GNB4: variants seen among roughly 807,000 people sequenced by gnomAD.
GNB4 encodes the protein G protein subunit beta 4, also known as guanine nucleotide-binding protein subunit beta-4.
Under a neutral mutation model 45.2 loss-of-function variants are expected in GNB4, and 28 were observed. The observed-to-expected ratio is 0.62, with a 90% CI of 0.46 to 0.85. The LOEUF (loss-of-function observed/expected upper bound fraction) is 0.85, where lower values mean the gene tolerates loss of function less well. Among genes scored for constraint, GNB4 ranks in the 40% least tolerant of loss-of-function variants. The pLI, the probability that GNB4 is intolerant of heterozygous loss-of-function variation, is 0.00. For synonymous variants in GNB4, 132 were observed against 143.7 expected (o/e 0.92, Z 0.58); for missense variants, 321 against 425.4 (o/e 0.75, Z 2.16).
chr3:179,451,870 C>T (rs1715891722), upstream of GNB4, among the ~76,000 whole-genome samples: 1 of 152,124 alleles, frequency 6.6e-6, no homozygotes, highest in Non-Finnish European at 1.5e-5. Flanking sequence ...CCAAAGGCCC[C>T]ATTTAGGTTT....
chr3:179,500,941 CTT>C, the GNB4 span, among the ~76,000 whole-genome samples: 1 of 152,168 alleles, frequency 6.6e-6, no homozygotes, highest in South Asian at 2.1e-4. Context: ...TATCCTGAGA[CTT>C]TGCTGAAATT....
intron 1 of GNB4, among the ~76,000 whole-genome samples, chr3:179,430,391 T>C (rs1301865647): frequency 6.6e-6 from 1 of 152,080 alleles, no homozygotes; most frequent in Non-Finnish European, 1.5e-5. Context: ...TACCTGGCCC[T>C]TCCTTTCTCT....
chr3:179,436,765 T>C (rs1050296637), intron 1 of GNB4, among the ~76,000 whole-genome samples: 1 of 152,210 alleles, frequency 6.6e-6, no homozygotes, highest in Non-Finnish European at 1.5e-5. Context: ...GCTGAAATTG[T>C]AGCATACGGC....
chr3:179,493,420 T>A, the GNB4 span, among the ~76,000 whole-genome samples: 2 of 149,732 alleles, frequency 1.3e-5, no homozygotes, highest in Non-Finnish European at 3.0e-5. Context: ...AACTGAGGAA[T>A]ACAATGATTG....
At chr3:179,431,378 G>C (rs754311585) in intron 1 of GNB4, among the ~76,000 whole-genome samples, 1 of 151,902 alleles carries the variant, frequency 6.6e-6, no homozygotes, top group African/African-American at 2.4e-5. Flanking sequence ...CCAATATGGC[G>C]AAACCCCATC....
At chr3:179,466,113 C>A in the GNB4 span, among the ~76,000 whole-genome samples, 1 of 143,314 alleles carries the variant, frequency 7.0e-6, no homozygotes. Flanking sequence ...CGGGTTCGAA[C>A]AATTCTTGTG....
intron 8 of GNB4, among the ~76,000 whole-genome samples, chr3:179,408,470 G>A (rs950600729): frequency 6.6e-6 from 1 of 152,108 alleles, no homozygotes; most frequent in Non-Finnish European, 1.5e-5. Flanking sequence ...AGTCTCCAAA[G>A]GAAGGAAGAG....
the GNB4 span, among the ~76,000 whole-genome samples, chr3:179,477,350 A>G: frequency 6.6e-6 from 1 of 152,170 alleles, no homozygotes; most frequent in African/African-American, 2.4e-5. Context: ...CAGCTCCTTC[A>G]ATATTTTGCT....
At chr3:179,524,763 G>A in the GNB4 span, among the ~76,000 whole-genome samples, 13 of 152,064 alleles carry the variant, frequency 8.5e-5, no homozygotes, top group Non-Finnish European at 1.6e-4. Flanking sequence ...GAGCCTAAAC[G>A]CTAACTGATT....
chr3:179,505,040 G>A, the GNB4 span, among the ~76,000 whole-genome samples: 1 of 152,166 alleles, frequency 6.6e-6, no homozygotes, highest in African/African-American at 2.4e-5. Context: ...GTGTGTCCCA[G>A]AAGAGGCTGA....
intron 1 of GNB4, among the ~76,000 whole-genome samples, chr3:179,447,866 T>C (rs966411369): frequency 2.6e-5 from 4 of 152,206 alleles, no homozygotes; most frequent in East Asian, 1.9e-4. Context: ...TGGTGGATGG[T>C]GGTACCATTG....
chr3:179,412,778 T>G (rs1714687320), intron 8 of GNB4, among the ~76,000 whole-genome samples: 1 of 152,054 alleles, frequency 6.6e-6, no homozygotes, highest in Non-Finnish European at 1.5e-5. Context: ...AAGACGAGAC[T>G]TTTTTCTCAT....
At chr3:179,420,785 C>G (rs546496866) in intron 3 of GNB4, 104 bp downstream of exon 3, 3 of 749,574 alleles carry the variant, frequency 4.0e-6, no homozygotes, top group African/African-American at 3.6e-5. Flanking sequence ...TTTCATTTAA[C>G]TTTTTTCAAT....
At chr3:179,480,076 TA>T in the GNB4 span, among the ~76,000 whole-genome samples, 1 of 152,216 alleles carries the variant, frequency 6.6e-6, no homozygotes, top group Admixed American at 6.5e-5. Flanking sequence ...GTGGCTTTGT[TA>T]AAAAAGCAAG....
the GNB4 span, among the ~76,000 whole-genome samples, chr3:179,474,737 C>CTTTTTTTTTTTTTTTTTTT: frequency 1.5e-3 from 89 of 59,724 alleles, 2 homozygotes; most frequent in East Asian, 2.3e-3. Flanking sequence ...AGACTGGGTC[C>CTTTTTTTTTTTTTTTTTTT]TTTTTTTTTT....
At chr3:179,449,811 T>C (rs941832708) in intron 1 of GNB4, among the ~76,000 whole-genome samples, 2 of 152,194 alleles carry the variant, frequency 1.3e-5, no homozygotes, top group African/African-American at 4.8e-5. Context: ...AATCACACCA[T>C]CTCAGGCAGT....
the GNB4 span, chr3:179,464,848 C>T: frequency 7.4e-7 from 1 of 1,343,196 alleles, no homozygotes; most frequent in Admixed American, 1.7e-5. Flanking sequence ...TGTGTTTGGA[C>T]CAGTATTCCA....
the GNB4 span, among the ~76,000 whole-genome samples, chr3:179,521,184 A>G: frequency 6.6e-6 from 1 of 152,212 alleles, no homozygotes; most frequent in South Asian, 2.1e-4. Flanking sequence ...CCCTTCTGTC[A>G]GACATAATTC....
At chr3:179,421,290 G>C (rs1225492000) in intron 2 of GNB4, among the ~76,000 whole-genome samples, 1 of 152,004 alleles carries the variant, frequency 6.6e-6, no homozygotes, top group East Asian at 1.9e-4. Flanking sequence ...AAATTTGAGA[G>C]ATGTCAATAA....
Sources: gnomAD v4.1 joint callset for allele counts (sites outside exome capture counted in the v4.1 genomes callset) on GRCh38, gnomAD v4.1.1 for gene constraint, MANE v1.5 for transcripts, NCBI Gene and HGNC (gene_info 2026-07-23, HGNC 2026-07-21) for gene names.